Variants in ANKRD11 observed in about 807,000 individuals in gnomAD.
The protein encoded by ANKRD11 is ankyrin repeat domain-containing protein 11.
In ANKRD11, 17 loss-of-function variants were observed where a neutral mutation model predicts 195.7. That is an observed-to-expected ratio of 0.09 (90% CI 0.06 to 0.13). The LOEUF is 0.13. ANKRD11 is among the 10% of genes least tolerant of loss of function. ANKRD11 has a pLI of 1.00. For missense variants in ANKRD11, 3,735 were observed against 3,566.1 expected (o/e 1.05, Z -1.21); for synonymous variants, 1,953 against 1,528.1 (o/e 1.28, Z -6.49).
chr16:89,363,951 C>G (rs1048243596), intron 2 of ANKRD11, among the ~76,000 whole-genome samples: 1 of 152,108 alleles, frequency 6.6e-6, no homozygotes, highest in Admixed American at 6.5e-5. Context: ...GTCCCAGCAA[C>G]TCAGGAGCCT....
intron 1 of ANKRD11, among the ~76,000 whole-genome samples, chr16:89,456,696 A>G (rs893975892): frequency 3.3e-5 from 5 of 152,204 alleles, no homozygotes; most frequent in Non-Finnish European, 5.9e-5. Flanking sequence ...AAAACACGTT[A>G]TGTGAAAGAA....
chr16:89,337,426 A>ATTTTTTTT lies in ANKRD11; in HGVS notation c.-59-20349_-59-20348insAAAAAAAA, dbSNP rs763560924. ...ACAATACATGAACATGGTCTAAGCA[A>ATTTTTTTT]TTCTTTTTTTTTTTTTTTTTTTTTT... On this transcript the variant is annotated intron_variant, in intron 2 of 12. Coordinates refer to ENST00000301030, the MANE Select transcript of ANKRD11 (RefSeq NM_013275.6). Among the ~76,000 whole-genome samples, 64 of 43,716 alleles carry ATTTTTTTT rather than the reference A, an allele frequency of 1.5e-3. 1 individual carries two copies. The highest frequency in any genetic ancestry group is 2.2e-3 in the Non-Finnish European group (47 of 21,404). 28.7% of individuals were successfully genotyped at this position (43,716 alleles called of 152,430 possible). A position where few individuals can be genotyped will look rare whatever the true frequency, so the allele number is the denominator to read the frequency against.
intron 1 of ANKRD11, among the ~76,000 whole-genome samples, chr16:89,454,445 T>C (rs1489515196): frequency 6.6e-6 from 1 of 152,172 alleles, no homozygotes; most frequent in East Asian, 1.9e-4. Flanking sequence ...AAAACAATCA[T>C]ACTACACTCA....
intron 9 of ANKRD11, among the ~76,000 whole-genome samples, chr16:89,276,255 A>C (rs2033642194): frequency 6.6e-6 from 1 of 152,220 alleles, no homozygotes; most frequent in Non-Finnish European, 1.5e-5. Flanking sequence ...TCCTGACAGC[A>C]CAGCTCCAGT....
At chr16:89,269,554 G>C (rs1270524343) in intron 12 of ANKRD11, among the ~76,000 whole-genome samples, 2 of 149,346 alleles carry the variant, frequency 1.3e-5, no homozygotes, top group Admixed American at 1.3e-4. Context: ...GTGAGTCACT[G>C]AATTACTGAT....
chr16:89,373,039 A>C (rs942959767), intron 2 of ANKRD11: 1 of 152,246 alleles, frequency 6.6e-6, no homozygotes, highest in African/African-American at 2.4e-5. Flanking sequence ...AGAATCTTCC[A>C]GTCACCGTTC....
chr16:89,322,606 A>C (rs2037396671), intron 2 of ANKRD11, among the ~76,000 whole-genome samples: 1 of 152,214 alleles, frequency 6.6e-6, no homozygotes, highest in South Asian at 2.1e-4. Flanking sequence ...CTCCAATTCC[A>C]AAGACAGGAA....
At chr16:89,355,680 C>G (rs1174281571) in intron 2 of ANKRD11, among the ~76,000 whole-genome samples, 1 of 152,112 alleles carries the variant, frequency 6.6e-6, no homozygotes, top group Non-Finnish European at 1.5e-5. Flanking sequence ...ATAAGTAAAA[C>G]AAGAAAAAAC....
chr16:89,269,733 T>G (rs553233292), intron 12 of ANKRD11, among the ~76,000 whole-genome samples: 1 of 152,176 alleles, frequency 6.6e-6, no homozygotes, highest in Middle Eastern at 3.4e-3. Flanking sequence ...TCTCCCGGAA[T>G]TACAGGCACG....
chr16:89,403,349 C>T (rs935468191), intron 2 of ANKRD11, among the ~76,000 whole-genome samples: 1 of 152,118 alleles, frequency 6.6e-6, no homozygotes, highest in Non-Finnish European at 1.5e-5. Flanking sequence ...CCCAGCACCG[C>T]GTGGAAGAAC....
chr16:89,356,410 G>C (rs1308502529), intron 2 of ANKRD11, among the ~76,000 whole-genome samples: 1 of 151,946 alleles, frequency 6.6e-6, no homozygotes, highest in Non-Finnish European at 1.5e-5. Context: ...AAGCCAGATG[G>C]AGCAGCTGGA....
Position 89,281,376 on chromosome 16 carries a change from G to C in ANKRD11, c.5166C>G (p.Pro1722=), listed in dbSNP as rs1490360414. 6 of 1,609,748 alleles carry C rather than the reference G, an allele frequency of 3.7e-6. No homozygotes were observed. Among genetic ancestry groups the C allele is most frequent in the Non-Finnish European group, 4.2e-6 (5 of 1,176,696 alleles). The change falls in exon 9 of 13, where the codon CCC becomes CCG. Residue 1722 remains proline, a synonymous_variant. Transcript: ENST00000301030. This position sits in a 1 kb window ranked among gnomAD's most constrained non-coding sequence, Gnocchi z 5.5. The part of the protein sequence containing the change: ...CPSYEEVMHT[P]RTPSCSADDY... ...CATCGGCGCTGCAGGACGGGGTCCT[G>C]GGCGTGTGCATCACCTCCTCGTAGC...
intron 2 of ANKRD11, among the ~76,000 whole-genome samples, chr16:89,386,972 G>A (rs945924103): frequency 6.6e-6 from 1 of 151,926 alleles, no homozygotes; most frequent in Non-Finnish European, 1.5e-5. Context: ...GCAGGAGGGT[G>A]GCCCCACCCT....
chr16:89,313,401 C>T (rs1567627476), intron 3 of ANKRD11: 1 of 1,288,752 alleles, frequency 7.8e-7, no homozygotes, highest in Admixed American at 2.3e-5. Flanking sequence ...CCGTGGTCGG[C>T]AATGGTGAGA....
intron 1 of ANKRD11, among the ~76,000 whole-genome samples, chr16:89,438,197 G>A (rs541672649): frequency 6.6e-6 from 1 of 152,134 alleles, no homozygotes; most frequent in Non-Finnish European, 1.5e-5. Flanking sequence ...AGGAACAGCT[G>A]GCTTCTTATC....
intron 2 of ANKRD11, among the ~76,000 whole-genome samples, chr16:89,390,701 C>CA (rs1352630664): frequency 6.6e-6 from 1 of 152,110 alleles, no homozygotes; most frequent in Non-Finnish European, 1.5e-5. Flanking sequence ...AGTGAGCACA[C>CA]AGCCAGGGGC....
At chr16:89,465,271 T>C (rs1190813519) in intron 1 of ANKRD11, among the ~76,000 whole-genome samples, 1 of 152,044 alleles carries the variant, frequency 6.6e-6, no homozygotes, top group African/African-American at 2.4e-5. Context: ...CTAACCAATA[T>C]AAAAAAGTCA....
chr16:89,338,875 C>T (rs1166072481), intron 2 of ANKRD11, among the ~76,000 whole-genome samples: 1 of 152,028 alleles, frequency 6.6e-6, no homozygotes, highest in Non-Finnish European at 1.5e-5. Context: ...CAAATGAATA[C>T]TTGGAGCAAA....
intron 5 of ANKRD11, 37 bp from the exon 6 acceptor site, chr16:89,290,865 G>A: frequency 6.2e-7 from 1 of 1,611,598 alleles, no homozygotes; most frequent in Non-Finnish European, 8.5e-7. Flanking sequence ...GCATTACTGT[G>A]GGGTGGTCCT....
Sources: allele counts gnomAD v4.1 joint callset (sites outside exome capture counted in the v4.1 genomes callset), GRCh38; gene constraint gnomAD v4.1.1; non-coding constraint Gnocchi (gnomAD v3.1); transcripts MANE v1.5; gene names NCBI Gene and HGNC (gene_info 2026-07-23, HGNC 2026-07-21).